Variants in ZSCAN25 observed in about 807,000 individuals in gnomAD.
The protein encoded by ZSCAN25 is zinc finger and SCAN domain-containing protein 25.
Under a neutral mutation model 38.7 loss-of-function variants are expected in ZSCAN25, and 27 were observed. The observed-to-expected ratio is 0.70, with a 90% confidence interval of 0.51 to 0.96. ZSCAN25 has a LOEUF of 0.96. Among genes scored for constraint, ZSCAN25 ranks in the 40% least tolerant of loss-of-function variants. ZSCAN25 has a pLI of 0.00. For missense variants in ZSCAN25, 637 were observed against 705.9 expected, an observed-to-expected ratio of 0.90 and a Z score of 1.11; for synonymous variants, 273 against 277.7, an observed-to-expected ratio of 0.98 and a Z score of 0.17.
chr7:99,716,104 TG>T, the ZSCAN25 span, among the ~76,000 whole-genome samples: 1 of 152,148 alleles, frequency 6.6e-6, no homozygotes, highest in Non-Finnish European at 1.5e-5. Flanking sequence ...GGCTCTCCGC[TG>T]GGGGTGATGG....
At chr7:99,732,901 T>C in the ZSCAN25 span, among the ~76,000 whole-genome samples, 1 of 152,220 alleles carries the variant, frequency 6.6e-6, no homozygotes, top group Non-Finnish European at 1.5e-5. Context: ...ATGTTCCAGA[T>C]AGTTGAATTA....
chr7:99,670,961 T>A, the ZSCAN25 span: 1 of 152,228 alleles, frequency 6.6e-6, no homozygotes, highest in Non-Finnish European at 1.5e-5. Context: ...TAGCTAGATA[T>A]GTACATTTTC....
chr7:99,713,449 C>A, the ZSCAN25 span: 28 of 1,613,116 alleles, frequency 1.7e-5, no homozygotes, highest in African/African-American at 4.0e-5. Flanking sequence ...CAGTAGCCCT[C>A]AGAAGCACTC....
chr7:99,629,333 C>A lies in ZSCAN25; in HGVS notation c.948C>A (p.Gly316=), dbSNP rs532784009. 2.5e-6 allele frequency: 4 copies of A among 1,614,084 alleles called. No homozygotes were observed. The highest frequency in any genetic ancestry group is 3.4e-6 in the Non-Finnish European group (4 of 1,180,044). Residue 316 remains glycine (G), a synonymous_variant, in exon 8 of 8, where the codon GGC becomes GGA. Coordinates refer to ENST00000394152, the MANE Select transcript of ZSCAN25 (RefSeq NM_145115.3). The surrounding 1 kb of genome is among the most constrained non-coding windows in gnomAD (Gnocchi z 5.6). ...GGGTCTGTGAGCAGGAGCCTGGTGG[C>A]CCTGCAGGCAGTGCGCCTGGGCTTC... is the stretch of plus-strand genomic sequence containing the variant. ...LGRVCEQEPG[G]PAGSAPGLPP...
chr7:99,700,712 C>G, the ZSCAN25 span, among the ~76,000 whole-genome samples: 5 of 152,152 alleles, frequency 3.3e-5, no homozygotes, highest in African/African-American at 1.2e-4. Context: ...GTATTATTTA[C>G]TTTCATGACC....
the ZSCAN25 span, among the ~76,000 whole-genome samples, chr7:99,696,873 A>T: frequency 1.3e-4 from 20 of 152,260 alleles, no homozygotes; most frequent in South Asian, 1.9e-3. Context: ...ATGAGTTTTT[A>T]TGAGATGTGG....
chr7:99,673,716 G>A, the ZSCAN25 span, among the ~76,000 whole-genome samples: 1 of 152,286 alleles, frequency 6.6e-6, no homozygotes, highest in African/African-American at 2.4e-5. Context: ...GAATCAATGT[G>A]GGAAGGAGAT....
chr7:99,661,988 A>G, the ZSCAN25 span, among the ~76,000 whole-genome samples: 1 of 152,244 alleles, frequency 6.6e-6, no homozygotes, highest in African/African-American at 2.4e-5. Context: ...TCTATATGAA[A>G]CAGTGAAATG....
the ZSCAN25 span, chr7:99,663,855 A>C: frequency 1.4e-6 from 2 of 1,425,348 alleles, no homozygotes; most frequent in Non-Finnish European, 1.8e-6. Context: ...CTTGTTCTAA[A>C]CATAAGTTCT....
the ZSCAN25 span, chr7:99,671,928 C>A: frequency 1.5e-6 from 1 of 689,154 alleles, no homozygotes; most frequent in African/African-American, 1.8e-5. Context: ...TAAACACACA[C>A]AAACAAGGGC....
At chr7:99,651,622 A>G in the ZSCAN25 span, among the ~76,000 whole-genome samples, 1 of 152,234 alleles carries the variant, frequency 6.6e-6, no homozygotes, top group Non-Finnish European at 1.5e-5. Flanking sequence ...TCCTCCCATC[A>G]GCAAACTTGC....
chr7:99,688,645 T>C, the ZSCAN25 span, among the ~76,000 whole-genome samples: 1 of 152,108 alleles, frequency 6.6e-6, no homozygotes. Context: ...TACCCAGGAA[T>C]TGAACTCAGC....
the ZSCAN25 span, among the ~76,000 whole-genome samples, chr7:99,645,651 C>T: frequency 1.8e-4 from 27 of 152,100 alleles, no homozygotes; most frequent in East Asian, 2.7e-3. Context: ...GCCATTCTGA[C>T]TGGTGTTAGA....
chr7:99,617,310 ATCT>A (rs1251897342), intron 1 of ZSCAN25, among the ~76,000 whole-genome samples: 1 of 152,236 alleles, frequency 6.6e-6, no homozygotes, highest in Non-Finnish European at 1.5e-5. Context: ...ACCCGAAGAG[ATCT>A]TGAACCAAAG....
At chr7:99,648,130 C>T in the ZSCAN25 span, 1 of 1,320,578 alleles carries the variant, frequency 7.6e-7, no homozygotes, top group Non-Finnish European at 9.7e-7. Context: ...ACATAATGCA[C>T]AACACTCTAC....
chr7:99,661,033 C>T, the ZSCAN25 span, among the ~76,000 whole-genome samples: 18 of 152,150 alleles, frequency 1.2e-4, no homozygotes, highest in East Asian at 5.8e-4. Flanking sequence ...AGGCTTTTTC[C>T]CAATAAAAAT....
At chr7:99,620,152 T>G (rs1806825188) in intron 4 of ZSCAN25, 159 bp downstream of exon 4, 1 of 1,118,070 alleles carries the variant, frequency 8.9e-7, no homozygotes, top group Non-Finnish European at 1.2e-6. Context: ...AGTGGCGTTT[T>G]CAGCAAGAAA....
the ZSCAN25 span, among the ~76,000 whole-genome samples, chr7:99,685,686 A>G: frequency 1.3e-5 from 2 of 152,196 alleles, no homozygotes; most frequent in African/African-American, 4.8e-5. Context: ...ACACACAAAT[A>G]CACACGTGAC....
the ZSCAN25 span, among the ~76,000 whole-genome samples, chr7:99,692,351 G>A: frequency 6.6e-6 from 1 of 152,064 alleles, no homozygotes; most frequent in Non-Finnish European, 1.5e-5. Flanking sequence ...TTCAACCTTG[G>A]TGAATCTGAT....
Sources: allele counts gnomAD v4.1 joint callset (sites outside exome capture counted in the v4.1 genomes callset), GRCh38; gene constraint gnomAD v4.1.1; non-coding constraint Gnocchi (gnomAD v3.1); transcripts MANE v1.5; gene names NCBI Gene and HGNC (gene_info 2026-07-23, HGNC 2026-07-21).